KCNAB2: variants seen among roughly 807,000 people sequenced by gnomAD.
KCNAB2 encodes potassium voltage-gated channel subfamily A regulatory beta subunit 2.
KCNAB2 carries 29 observed loss-of-function variants against 63.6 expected under a neutral mutation model. That is an observed-to-expected ratio of 0.46 (90% CI 0.34 to 0.62). KCNAB2 has a LOEUF of 0.62. Among genes scored for constraint, KCNAB2 ranks in the 20% least tolerant of loss-of-function variants. The pLI is 0.01. For synonymous variants in KCNAB2, 222 were observed against 224.2 expected (o/e 0.99, Z 0.09); for missense variants, 359 against 563.9 (o/e 0.64, Z 3.68).
In KCNAB2 at chr1:6,003,046, T is replaced by TA. The variant is rs1657348250; in HGVS notation, c.-53+10259dup. Among the ~76,000 whole-genome samples the TA allele has an allele frequency of 6.6e-6, 1 of 152,162 alleles. No homozygotes were observed. The highest frequency in any genetic ancestry group is 1.5e-5 in the Non-Finnish European group (1 of 68,010). ...TCACACAGCTACCAGAGGACAGAGC[T>TA]AGAACATGACCGCAGCAGACGCCTG... is the stretch of plus-strand genomic sequence containing the variant. On this transcript the variant is annotated intron_variant, in intron 1 of 16. Transcript: ENST00000341524. This position sits in a 1 kb window ranked among gnomAD's most constrained non-coding sequence, Gnocchi z 4.1.
intron 1 of KCNAB2, among the ~76,000 whole-genome samples, chr1:5,996,454 C>T (rs1345561262): frequency 1.3e-5 from 2 of 152,226 alleles, no homozygotes; most frequent in Non-Finnish European, 2.9e-5. Context: ...CAGACCCCTG[C>T]TGGCCAGCGT....
rs1299504056 is a variant in KCNAB2 at position 6,087,870 on chromosome 1, A to C, written c.470+359A>C. 6.6e-6 allele frequency among the ~76,000 whole-genome samples: 1 copy of C among 152,174 alleles called. No homozygotes were observed. The highest frequency in any genetic ancestry group is 2.4e-5 in the African/African-American group (1 of 41,428). Reference sequence around the variant, plus strand: ...CTGGTCACTATGGTAACATCATAAAAATTATAGAGAAAACAGAAAATTTGT... The same window carrying C: ...CTGGTCACTATGGTAACATCATAAACATTATAGAGAAAACAGAAAATTTGT... On this transcript the variant is annotated intron_variant, in intron 7 of 15. Coordinates refer to ENST00000378083, the MANE Select transcript of KCNAB2 (RefSeq NM_001199862.2). This position sits in a 1 kb window ranked among gnomAD's most constrained non-coding sequence, Gnocchi z 6.4.
chr1:6,046,413 C>T (rs1448664774), intron 1 of KCNAB2, among the ~76,000 whole-genome samples: 3 of 152,206 alleles, frequency 2.0e-5, no homozygotes, highest in East Asian at 1.9e-4. Flanking sequence ...TTCAGCCGGG[C>T]AGCACCTCTC....
intron 2 of KCNAB2, 73 bp from the exon 3 acceptor site, chr1:6,072,682 C>A: frequency 6.6e-7 from 1 of 1,516,310 alleles, no homozygotes; most frequent in Non-Finnish European, 9.1e-7. Context: ...GGGGGCTGGC[C>A]CTGGCGGGAA....
intron 2 of KCNAB2, among the ~76,000 whole-genome samples, chr1:6,064,186 C>T (rs535206333): frequency 5.3e-5 from 8 of 152,324 alleles, no homozygotes; most frequent in Middle Eastern, 3.4e-3. Context: ...GTAGAAACGC[C>T]GCCTTCCGGG....
In KCNAB2 at chr1:6,051,654, G is replaced by A. The variant is rs1188773728; in HGVS notation, c.118G>A (p.Val40Met). ...GCTGGAACTGCAGCGGCTGCGGGAG[G>A]TGCGGGCGGCTGCCCAGGCCAGGAA... is the stretch of plus-strand genomic sequence containing the variant. ...DTLELQRLREVRAAAQARNME... is the reference protein window; with the variant it reads ...DTLELQRLREMRAAAQARNME... The change falls in exon 2 of 16, where the codon GTG becomes ATG. Residue 40 changes from valine (V) to methionine (M), a missense_variant. This residue lies in a region of KCNAB2 where 88 missense variants were observed against 87.8 expected (regional missense o/e 1.00). Transcript: ENST00000378083. 24 of 1,534,036 alleles carry A rather than the reference G, an allele frequency of 1.6e-5. No homozygotes were observed. The East Asian group carries it at 5.9e-4, about 37-fold the overall frequency.
intron 2 of KCNAB2, among the ~76,000 whole-genome samples, chr1:6,068,821 T>A (rs1662963255): frequency 6.6e-6 from 1 of 152,052 alleles, no homozygotes; most frequent in South Asian, 2.1e-4. Flanking sequence ...CCCTTCCCAG[T>A]GGTGTGCTCC....
chr1:6,032,564 A>G (rs1659698515), upstream of KCNAB2, among the ~76,000 whole-genome samples: 2 of 134,952 alleles, frequency 1.5e-5, no homozygotes, highest in African/African-American at 5.3e-5. Context: ...CAACAGACTG[A>G]GACTCTGTTA....
chr1:6,085,920 CG>C (rs1025716821), intron 6 of KCNAB2: 333 of 985,520 alleles, frequency 3.4e-4, no homozygotes, highest in Non-Finnish European at 3.9e-4. Context: ...CAGCACAGAC[CG>C]GGGAGCGGTC....
intron 1 of KCNAB2, among the ~76,000 whole-genome samples, chr1:6,025,853 TCCCGGC>T (rs1659118741): frequency 9.0e-6 from 1 of 111,390 alleles, no homozygotes; most frequent in African/African-American, 3.8e-5. Flanking sequence ...ACACAGCCGA[TCCCGGC>T]ACACAGCCGA....
chr1:6,041,721 G>A, upstream of KCNAB2: 6 of 938,482 alleles, frequency 6.4e-6, no homozygotes, highest in Non-Finnish European at 1.0e-5. Context: ...CGGGGGCATG[G>A]GACATTGGTG....
chr1:6,073,765 G>C lies in KCNAB2; in HGVS notation c.295G>C (p.Asp99His). ...GGTGACCTTCGGAGGCCAGATCACC[G>C]ATGAGGTAAGATGGGGCTCTCCCAG... is the stretch of plus-strand genomic sequence containing the variant. Reference protein sequence around the residue: ...TWVTFGGQITDEMAEQLMTLA... With the variant: ...TWVTFGGQITHEMAEQLMTLA... The change falls in exon 4 of 16, where the codon GAT (aspartate) becomes CAT (histidine). Residue 99 changes from aspartate to histidine, a missense_variant. By Grantham distance (81) the Asp-to-His change is moderately conservative. This residue lies in a region of KCNAB2 where 271 missense variants were observed against 476.1 expected (regional missense o/e 0.57). Coordinates refer to ENST00000378083, the MANE Select transcript of KCNAB2 (RefSeq NM_001199862.2). This position sits in a 1 kb window ranked among gnomAD's most constrained non-coding sequence, Gnocchi z 5.7. 1 of 1,614,110 alleles carries C rather than the reference G, an allele frequency of 6.2e-7. No homozygotes were observed. Among genetic ancestry groups the C allele is most frequent in the Non-Finnish European group, 8.5e-7 (1 of 1,179,968 alleles).
intron 1 of KCNAB2, among the ~76,000 whole-genome samples, chr1:6,036,640 G>T (rs1158611365): frequency 6.6e-6 from 1 of 152,236 alleles, no homozygotes; most frequent in Non-Finnish European, 1.5e-5. Flanking sequence ...TGGGGCTGGG[G>T]ACAGCCATGT....
intron 1 of KCNAB2, among the ~76,000 whole-genome samples, chr1:6,000,904 G>A (rs925133631): frequency 1.3e-5 from 2 of 152,148 alleles, no homozygotes; most frequent in South Asian, 2.1e-4. Flanking sequence ...GGGAGGAGGT[G>A]TATGGTCCAG....
upstream of KCNAB2, among the ~76,000 whole-genome samples, chr1:6,044,534 G>A (rs1313260085): frequency 6.6e-6 from 1 of 152,170 alleles, no homozygotes; most frequent in African/African-American, 2.4e-5. Flanking sequence ...ACCCAGCCTG[G>A]GCCATCAGGG....
chr1:6,087,940 TG>T lies in KCNAB2; in HGVS notation c.470+430del, dbSNP rs1264859188. Among the ~76,000 whole-genome samples the T allele has an allele frequency of 1.3e-5, 2 of 152,238 alleles. No homozygotes were observed. Among genetic ancestry groups the T allele is most frequent in the African/African-American group, 4.8e-5 (2 of 41,456 alleles). On this transcript the variant is annotated intron_variant, in intron 7 of 15. Coordinates refer to ENST00000378083, the MANE Select transcript of KCNAB2 (RefSeq NM_001199862.2). The surrounding 1 kb of genome is among the most constrained non-coding windows in gnomAD (Gnocchi z 6.4). Reference sequence around the variant, plus strand: ...AGCACTCCAAATTCCCTGGGCCGCCTGTCACCCCTGCAGGTCTCCAAGTGTC... The same window carrying T: ...AGCACTCCAAATTCCCTGGGCCGCCTTCACCCCTGCAGGTCTCCAAGTGTC...
In KCNAB2 at chr1:6,046,081, T is replaced by G. The variant is rs1230530682; in HGVS notation, c.-129T>G. On this transcript the variant is annotated 5_prime_UTR_variant, in exon 1 of 16. Coordinates refer to ENST00000378083, the MANE Select transcript of KCNAB2 (RefSeq NM_001199862.2). ...TGCTTCTGACGTCCTGCAGTGACAC[T>G]CCCTAATGAAAAAGCCGCTGTGCCA... is the stretch of plus-strand genomic sequence containing the variant. The G allele has an allele frequency of 8.1e-6, 8 of 985,252 alleles. No homozygotes were observed. The Admixed American group carries it at 4.9e-4, about 61-fold the overall frequency. The allele number at this position is 985,252 out of a possible 1,614,324, so 61.0% of individuals were successfully genotyped here.
rs954797040 is a variant in KCNAB2 at position 6,073,278 on chromosome 1, C to T, written c.263-455C>T. On this transcript the variant is annotated intron_variant, in intron 3 of 15. Transcript: ENST00000378083. This position sits in a 1 kb window ranked among gnomAD's most constrained non-coding sequence, Gnocchi z 5.7. ...AGTACACACACCCCCACACACACAC[C>T]GCCCACTGCAGTACACACACCCCGC... Among the ~76,000 whole-genome samples the T allele has an allele frequency of 1.3e-5, 2 of 151,998 alleles. No homozygotes were observed. The highest frequency in any genetic ancestry group is 2.4e-5 in the African/African-American group (1 of 41,376).
At chr1:6,007,209 G>T (rs886482328) in intron 1 of KCNAB2, among the ~76,000 whole-genome samples, 1 of 152,000 alleles carries the variant, frequency 6.6e-6, no homozygotes, top group African/African-American at 2.4e-5. Flanking sequence ...CATGGGGGGG[G>T]CTCAGCTCCT....
Sources: allele counts gnomAD v4.1 joint callset (sites outside exome capture counted in the v4.1 genomes callset), GRCh38; gene constraint gnomAD v4.1.1; regional missense constraint gnomAD v4.1.1; non-coding constraint Gnocchi (gnomAD v3.1); transcripts MANE v1.5; gene names NCBI Gene and HGNC (gene_info 2026-07-23, HGNC 2026-07-21).